Variants in MTSS1 observed in about 807,000 individuals in gnomAD.
MTSS1 encodes the protein MTSS I-BAR domain containing 1, also known as protein MTSS 1.
A neutral mutation model predicts 79.0 loss-of-function variants in MTSS1; 18 were observed. The observed-to-expected ratio is 0.23, with a 90% CI of 0.16 to 0.34. MTSS1 has a LOEUF of 0.34. Ranked by LOEUF, MTSS1 falls within the 10% of genes least tolerant of loss-of-function variation. The probability of loss-of-function intolerance (pLI) is 1.00; values close to 1 mark genes in which losing one functional copy is unlikely to be tolerated. For synonymous variants in MTSS1, 341 were observed against 368.6 expected (o/e 0.93, Z 0.86); for missense variants, 815 against 986.2 (o/e 0.83, Z 2.33).
chr8:124,636,172 C>T (rs1816954339), intron 3 of MTSS1, among the ~76,000 whole-genome samples: 1 of 152,190 alleles, frequency 6.6e-6, no homozygotes, highest in African/African-American at 2.4e-5. Flanking sequence ...CTCTGTCGCC[C>T]AGGCTGGAGT....
chr8:124,708,286 G>A (rs952733551), intron 1 of MTSS1, among the ~76,000 whole-genome samples: 1 of 152,210 alleles, frequency 6.6e-6, no homozygotes, highest in Non-Finnish European at 1.5e-5. Flanking sequence ...GCTCGGTGCA[G>A]TGCCCAGCAC....
intron 1 of MTSS1, among the ~76,000 whole-genome samples, chr8:124,709,780 C>A (rs920032076): frequency 9.9e-5 from 15 of 152,222 alleles, no homozygotes; most frequent in Admixed American, 8.5e-4. Flanking sequence ...ACACTCCCCA[C>A]ACACACCACA....
chr8:124,572,743 CTTTT>C (rs747243821), intron 6 of MTSS1, among the ~76,000 whole-genome samples: 2 of 123,664 alleles, frequency 1.6e-5, no homozygotes, highest in Admixed American at 8.0e-5. Flanking sequence ...CTTTTCTTTT[CTTTT>C]TTTTTTTTTT....
intron 3 of MTSS1, among the ~76,000 whole-genome samples, chr8:124,594,252 C>A (rs567949151): frequency 6.6e-6 from 1 of 152,154 alleles, no homozygotes; most frequent in Non-Finnish European, 1.5e-5. Context: ...ATGAACTGGC[C>A]GGGCTCAGTG....
At chr8:124,706,893 G>T (rs919372026) in intron 1 of MTSS1, among the ~76,000 whole-genome samples, 1 of 152,120 alleles carries the variant, frequency 6.6e-6, no homozygotes, top group African/African-American at 2.4e-5. Context: ...AACACCCCTT[G>T]TACACCTACA....
intron 3 of MTSS1, among the ~76,000 whole-genome samples, chr8:124,612,023 C>T (rs565747554): frequency 6.6e-6 from 1 of 152,298 alleles, no homozygotes; most frequent in South Asian, 2.1e-4. Flanking sequence ...AATCAGGAAC[C>T]CAGCACTCAT....
chr8:124,565,592 C>A, intron 9 of MTSS1, 70 bp downstream of exon 9: 2 of 1,316,712 alleles, frequency 1.5e-6, no homozygotes, highest in East Asian at 2.3e-5. Context: ...AGGACTGGCT[C>A]CATTGCTCAC....
At chr8:124,648,709 G>GCCCCCCC (rs565378341) in intron 3 of MTSS1, among the ~76,000 whole-genome samples, 4 of 147,774 alleles carry the variant, frequency 2.7e-5, no homozygotes, top group South Asian at 2.1e-4. Flanking sequence ...CCAAATAGCA[G>GCCCCCCC]CCCCCCCCCA....
intron 1 of MTSS1, among the ~76,000 whole-genome samples, chr8:124,709,261 T>C (rs146215344): frequency 3.0e-4 from 45 of 152,258 alleles, no homozygotes; most frequent in African/African-American, 1.1e-3. Flanking sequence ...CAACTGTCCT[T>C]GGTTTTTGCA....
At chr8:124,674,567 A>G (rs1399869430) in intron 3 of MTSS1, among the ~76,000 whole-genome samples, 1 of 151,960 alleles carries the variant, frequency 6.6e-6, no homozygotes, top group African/African-American at 2.4e-5. Context: ...CTGGTCTCAA[A>G]CTCCTGGCCG....
rs58244482 is a variant in MTSS1, at chr8:124,673,384, CAAA to C, written c.208+26139_208+26141del. 2.2e-4 allele frequency: 24 copies of C among 108,740 alleles called. 1 individual carries two copies. The highest frequency in any genetic ancestry group is 5.5e-4 in the African/African-American group (15 of 27,470). 6.7% of individuals were successfully genotyped at this position (108,740 alleles called of 1,614,324 possible). On this transcript the variant is annotated intron_variant, in intron 3 of 13. Transcript: ENST00000518547. ...GGTGACAGAGCAAGACTCTGTCTCA[CAAA>C]AAAAAAAAAAAAAATCACTCTTTAA... is the stretch of plus-strand genomic sequence containing the variant.
chr8:124,559,016 C>T (rs1824672149), intron 10 of MTSS1, among the ~76,000 whole-genome samples: 1 of 152,154 alleles, frequency 6.6e-6, no homozygotes, highest in South Asian at 2.1e-4. Context: ...TTACTTTTCC[C>T]CCAAAGTTGC....
intron 6 of MTSS1, among the ~76,000 whole-genome samples, chr8:124,569,620 C>T (rs987147514): frequency 2.6e-5 from 4 of 152,222 alleles, no homozygotes; most frequent in Admixed American, 2.6e-4. Flanking sequence ...TCACTCAAAC[C>T]AGAGAGATAC....
In MTSS1 at chr8:124,646,923, C is replaced by T. The variant is rs770650757; in HGVS notation, c.208+52603G>A. 2.2e-4 allele frequency among the ~76,000 whole-genome samples: 33 copies of T among 151,780 alleles called. 1 individual carries two copies. The highest frequency in any genetic ancestry group is 3.4e-3 in the Middle Eastern group (1 of 294). On this transcript the variant is annotated intron_variant, in intron 3 of 13. Transcript: ENST00000518547. ...GCCTCGAACTCTGGCCTCAAATGGTCCTCCCATCGAACTCTGGCCTCAAAT... is the reference window on the plus strand; with the variant it reads ...GCCTCGAACTCTGGCCTCAAATGGTTCTCCCATCGAACTCTGGCCTCAAAT...
In MTSS1 at chr8:124,597,663, G is replaced by A. The variant is rs1374426140; in HGVS notation, c.209-6428C>T. Among the ~76,000 whole-genome samples the A allele has an allele frequency of 6.6e-6, 1 of 152,222 alleles. No homozygotes were observed. Among genetic ancestry groups the A allele is most frequent in the Admixed American group, 6.5e-5 (1 of 15,292 alleles). ...CTTGGGGGCTACAGTGTGGGCAGGT[G>A]GCGAGCGAGGACTGAAAAGACGTTT... is the stretch of plus-strand genomic sequence containing the variant. On this transcript the variant is annotated intron_variant, in intron 3 of 13. Transcript: ENST00000518547. The surrounding 1 kb of genome is among the most constrained non-coding windows in gnomAD (Gnocchi z 4.6).
intron 3 of MTSS1, among the ~76,000 whole-genome samples, chr8:124,687,114 C>T (rs923294068): frequency 6.6e-6 from 1 of 152,300 alleles, no homozygotes; most frequent in Middle Eastern, 3.4e-3. Context: ...TCTCCCGGCA[C>T]TCGCTTTATC....
chr8:124,672,837 A>G (rs556893912), intron 3 of MTSS1, among the ~76,000 whole-genome samples: 1 of 151,998 alleles, frequency 6.6e-6, no homozygotes, highest in East Asian at 1.9e-4. Context: ...GCACACACAC[A>G]CATGCATGCA....
chr8:124,668,410 G>A (rs189559053), intron 3 of MTSS1, among the ~76,000 whole-genome samples: 118 of 152,148 alleles, frequency 7.8e-4, no homozygotes, highest in Non-Finnish European at 1.4e-3. Context: ...TCACATCTAC[G>A]GCAGGAATTC....
intron 3 of MTSS1, among the ~76,000 whole-genome samples, chr8:124,620,481 C>T (rs1053842730): frequency 6.6e-6 from 1 of 152,146 alleles, no homozygotes; most frequent in African/African-American, 2.4e-5. Flanking sequence ...CTAGCAAGGT[C>T]ACGGCATGCA....
Sources: gnomAD v4.1 joint callset for allele counts (sites outside exome capture counted in the v4.1 genomes callset) on GRCh38, gnomAD v4.1.1 for gene constraint, Gnocchi (gnomAD v3.1) non-coding constraint, MANE v1.5 for transcripts, NCBI Gene and HGNC (gene_info 2026-07-23, HGNC 2026-07-21) for gene names.